Variants in UBE2E2 observed in about 807,000 individuals in gnomAD.
UBE2E2 encodes the protein ubiquitin-conjugating enzyme E2 E2.
UBE2E2 carries 6 observed loss-of-function variants against 24.7 expected under a neutral mutation model. That is an observed-to-expected ratio of 0.24 (90% confidence interval 0.13 to 0.48). The LOEUF is 0.48. Among genes scored for constraint, UBE2E2 ranks in the 20% least tolerant of loss-of-function variants. The pLI is 0.99. For missense variants in UBE2E2, 169 were observed against 245.0 expected (o/e 0.69, Z 2.07); for synonymous variants, 104 against 83.6 (o/e 1.24, Z -1.33).
chr3:23,432,891 ATAATT>A (rs1302732810), intron 3 of UBE2E2, among the ~76,000 whole-genome samples: 2 of 151,896 alleles, frequency 1.3e-5, no homozygotes, highest in Admixed American at 1.3e-4. Flanking sequence ...TAATATTAAT[ATAATT>A]TATGTGTGGT....
intron 4 of UBE2E2, among the ~76,000 whole-genome samples, chr3:23,502,052 C>G (rs1699733386): frequency 6.6e-6 from 1 of 152,084 alleles, no homozygotes; most frequent in Non-Finnish European, 1.5e-5. Flanking sequence ...AGATGTGTTA[C>G]TCGAGGGAGA....
intron 5 of UBE2E2, among the ~76,000 whole-genome samples, chr3:23,536,269 G>A (rs75493041): frequency 0.033 from 5,000 of 152,254 alleles, 127 homozygotes; most frequent in East Asian, 0.14. Context: ...TTTACCTCAT[G>A]CAAAATTAAT....
At chr3:23,353,419 T>C (rs1695827012) in intron 3 of UBE2E2, among the ~76,000 whole-genome samples, 1 of 152,198 alleles carries the variant, frequency 6.6e-6, no homozygotes, top group South Asian at 2.1e-4. Context: ...TAAAGGGTAT[T>C]CAATTAGGAA....
chr3:23,246,776 A>ATG (rs1248445799), intron 3 of UBE2E2, among the ~76,000 whole-genome samples: 3 of 152,174 alleles, frequency 2.0e-5, no homozygotes, highest in Non-Finnish European at 4.4e-5. Context: ...ACAGTGGAAT[A>ATG]TGTGTGTCTT....
At chr3:23,204,684 C>T in intron 1 of UBE2E2, 1 of 985,230 alleles carries the variant, frequency 1.0e-6, no homozygotes, top group Non-Finnish European at 1.2e-6. Context: ...CTTTCCCCTG[C>T]AGCACCTTTT....
chr3:23,298,760 G>C (rs927165449), intron 3 of UBE2E2, among the ~76,000 whole-genome samples: 3 of 151,826 alleles, frequency 2.0e-5, no homozygotes, highest in Non-Finnish European at 4.4e-5. Flanking sequence ...TTTTTTGGTT[G>C]TGTCTCTGCC....
At chr3:23,386,120 A>T (rs1696798800) in intron 3 of UBE2E2, among the ~76,000 whole-genome samples, 1 of 152,192 alleles carries the variant, frequency 6.6e-6, no homozygotes. Context: ...ATAATTGTAG[A>T]ATGTCTTAGC....
At chr3:23,442,906 C>CT (rs753191539) in intron 3 of UBE2E2, among the ~76,000 whole-genome samples, 14 of 152,096 alleles carry the variant, frequency 9.2e-5, no homozygotes, top group Non-Finnish European at 1.8e-4. Context: ...ATTTAATTTT[C>CT]TTTGATAATA....
rs185818090 is a variant in UBE2E2 at position 23,424,622 on chromosome 3, G to A, written c.228-74986G>A. On this transcript the variant is annotated intron_variant, in intron 3 of 5. Transcript: ENST00000396703. ...GCTCCAGGCATAAGGTTTCATTTAA[G>A]AATGAAAAAGCAAATTGAGCTAATG... is the stretch of plus-strand genomic sequence containing the variant. Among the ~76,000 whole-genome samples the A allele has an allele frequency of 4.4e-3, 675 of 152,174 alleles. 14 individuals carry two copies. The highest frequency in any genetic ancestry group is 0.01 in the Middle Eastern group (3 of 294).
intron 3 of UBE2E2, among the ~76,000 whole-genome samples, chr3:23,416,322 CTGGA>C (rs1378390323): frequency 6.6e-5 from 10 of 152,252 alleles, no homozygotes; most frequent in African/African-American, 2.4e-4. Flanking sequence ...GTTAGTTTGG[CTGGA>C]TGTGAAATTC....
intron 3 of UBE2E2, among the ~76,000 whole-genome samples, chr3:23,444,793 A>G (rs1698389492): frequency 6.6e-6 from 1 of 152,126 alleles, no homozygotes; most frequent in Non-Finnish European, 1.5e-5. Context: ...GGATGTGCCC[A>G]TTGTCATACT....
At chr3:23,520,391 G>A (rs909839094) in intron 4 of UBE2E2, among the ~76,000 whole-genome samples, 1 of 152,002 alleles carries the variant, frequency 6.6e-6, no homozygotes, top group African/African-American at 2.4e-5. Flanking sequence ...TATTATTTTT[G>A]GTTACAACTT....
intron 3 of UBE2E2, among the ~76,000 whole-genome samples, chr3:23,404,644 C>G (rs1697314493): frequency 6.6e-6 from 1 of 152,152 alleles, no homozygotes; most frequent in African/African-American, 2.4e-5. Flanking sequence ...TTGTTTATAG[C>G]AACACAAAGT....
chr3:23,275,300 A>G (rs752135323), intron 3 of UBE2E2, among the ~76,000 whole-genome samples: 2 of 152,202 alleles, frequency 1.3e-5, no homozygotes, highest in African/African-American at 2.4e-5. Context: ...TAGCCAAGGT[A>G]AAAGGACGTG....
chr3:23,250,128 CTGT>C (rs1697533205), intron 3 of UBE2E2, among the ~76,000 whole-genome samples: 1 of 152,154 alleles, frequency 6.6e-6, no homozygotes, highest in Non-Finnish European at 1.5e-5. Context: ...TGAGTAAGGA[CTGT>C]TGTTACCACA....
chr3:23,417,560 T>A (rs1697671864), intron 3 of UBE2E2, among the ~76,000 whole-genome samples: 1 of 152,162 alleles, frequency 6.6e-6, no homozygotes, highest in South Asian at 2.1e-4. Context: ...AGGCGGTCTG[T>A]CCCTTAGCAG....
intron 2 of UBE2E2, among the ~76,000 whole-genome samples, chr3:23,216,417 A>G (rs1696477174): frequency 6.6e-6 from 1 of 152,184 alleles, no homozygotes; most frequent in Admixed American, 6.6e-5. Flanking sequence ...TGTCACAGTA[A>G]TTACCAGACA....
intron 3 of UBE2E2, among the ~76,000 whole-genome samples, chr3:23,454,943 T>C (rs751478362): frequency 6.6e-6 from 1 of 152,196 alleles, no homozygotes; most frequent in Non-Finnish European, 1.5e-5. Context: ...TTTATGGGTG[T>C]ATCCGAGATT....
rs149344419 is a variant in UBE2E2 at position 23,296,236 on chromosome 3, C to T, written c.227+78924C>T. 3.2e-4 allele frequency among the ~76,000 whole-genome samples: 48 copies of T among 152,226 alleles called. No homozygotes were observed. In the East Asian group the frequency reaches 7.5e-3, roughly 24 times the overall value. On this transcript the variant is annotated intron_variant, in intron 3 of 5. Transcript: ENST00000396703. ...TTTTAAATCTCTATTTTTTAACTGG[C>T]CTCACACTAGTTTGCATATTATATT...
Sources: allele counts gnomAD v4.1 joint callset (sites outside exome capture counted in the v4.1 genomes callset), GRCh38; gene constraint gnomAD v4.1.1; transcripts MANE v1.5; gene names NCBI Gene and HGNC (gene_info 2026-07-23, HGNC 2026-07-21).